The following SGIP1 variants were observed in gnomAD, a reference collection of about 807,000 sequenced individuals.
SGIP1 encodes SH3-containing GRB2-like protein 3-interacting protein 1.
A neutral mutation model predicts 107.5 loss-of-function variants in SGIP1; 38 were observed. That is an observed-to-expected ratio of 0.35 (90% CI 0.27 to 0.46). SGIP1 has a LOEUF of 0.46. Ranked by LOEUF, SGIP1 falls within the 20% of genes least tolerant of loss-of-function variation. The pLI is 1.00. For synonymous variants in SGIP1, 365 were observed against 366.1 expected (o/e 1.00, Z 0.03); for missense variants, 929 against 1,019.5 (o/e 0.91, Z 1.21).
intron 19 of SGIP1, among the ~76,000 whole-genome samples, chr1:66,728,866 C>T (rs1467974869): frequency 6.6e-6 from 1 of 152,096 alleles, no homozygotes; most frequent in Non-Finnish European, 1.5e-5. Context: ...GAAAAACAAA[C>T]ACCACATGTT....
At chr1:66,721,570 G>A (rs1314063409) in intron 19 of SGIP1, among the ~76,000 whole-genome samples, 2 of 151,944 alleles carry the variant, frequency 1.3e-5, no homozygotes, top group South Asian at 2.1e-4. Context: ...CACCACACCC[G>A]GCTAATTTTT....
Position 66,741,262 on chromosome 1 carries a change from T to G in SGIP1, c.2300-10T>G. 1 of 1,566,690 alleles carries G rather than the reference T, an allele frequency of 6.4e-7. No individual in the cohort carries two copies. Among genetic ancestry groups the G allele is most frequent in the Non-Finnish European group, 8.6e-7 (1 of 1,159,426 alleles). ...TGACTGTTACCTTGTAATAATGTGT[T>G]TTTTTTTAGGGGTGGGTTCTTTGTT... On this transcript the variant is annotated splice_polypyrimidine_tract_variant and intron_variant, in intron 23 of 24. Coordinates refer to ENST00000371037, the MANE Select transcript of SGIP1 (RefSeq NM_032291.4).
intron 1 of SGIP1, among the ~76,000 whole-genome samples, chr1:66,580,750 A>G (rs1435201407): frequency 1.3e-5 from 2 of 152,166 alleles, no homozygotes; most frequent in East Asian, 1.9e-4. Flanking sequence ...GTAGGTACTC[A>G]ATAAATGTTT....
chr1:66,725,821 A>G (rs187424911), intron 19 of SGIP1, among the ~76,000 whole-genome samples: 1 of 152,272 alleles, frequency 6.6e-6, no homozygotes, highest in East Asian at 1.9e-4. Flanking sequence ...AAGGTGTTTC[A>G]CTGAGGCACT....
Position 66,726,378 on chromosome 1 carries a change from C to T in SGIP1, c.1743-2886C>T, listed in dbSNP as rs74085066. On this transcript the variant is annotated intron_variant, in intron 19 of 24. Coordinates refer to ENST00000371037, the MANE Select transcript of SGIP1 (RefSeq NM_032291.4). ...GATTGATTTTATATAGACATTGACACGGTGATTATAAACCTCATGTGGAAA... is the reference window on the plus strand; with the variant it reads ...GATTGATTTTATATAGACATTGACATGGTGATTATAAACCTCATGTGGAAA... 3.3e-3 allele frequency among the ~76,000 whole-genome samples: 504 copies of T among 152,128 alleles called. 2 individuals carry two copies. The highest frequency in any genetic ancestry group is 0.011 in the African/African-American group (447 of 41,494).
intron 1 of SGIP1, among the ~76,000 whole-genome samples, chr1:66,588,725 G>C (rs4655630): frequency 6.8e-6 from 1 of 148,116 alleles, no homozygotes. Flanking sequence ...AACTTTCACG[G>C]TGTCCTATTT....
At chr1:66,581,202 G>T (rs932444797) in intron 1 of SGIP1, among the ~76,000 whole-genome samples, 1 of 151,994 alleles carries the variant, frequency 6.6e-6, no homozygotes, top group African/African-American at 2.4e-5. Flanking sequence ...TTGCCAATTG[G>T]TTCATTTAAG....
rs549636836 is a variant in SGIP1 at position 66,727,731 on chromosome 1, A to T, written c.1743-1533A>T. ...ACTATTAGTGCACACAACTACATGA[A>T]CAAGTCTCAAAATAATTATGTGCAG... On this transcript the variant is annotated intron_variant, in intron 19 of 24. Transcript: ENST00000371037. 1.1e-4 allele frequency among the ~76,000 whole-genome samples: 16 copies of T among 152,344 alleles called. 1 individual carries two copies. Among genetic ancestry groups the T allele is most frequent in the African/African-American group, 3.8e-4 (16 of 41,582 alleles).
At chr1:66,597,804 G>A (rs1056990437) in intron 1 of SGIP1, among the ~76,000 whole-genome samples, 3 of 152,046 alleles carry the variant, frequency 2.0e-5, no homozygotes, top group East Asian at 1.9e-4. Flanking sequence ...ACGCATTAAC[G>A]TTTTGTTTCC....
At chr1:66,625,974 GT>G in intron 2 of SGIP1, 64 bp downstream of exon 2, 2 of 1,300,854 alleles carry the variant, frequency 1.5e-6, no homozygotes, top group Non-Finnish European at 2.2e-6. Context: ...TCTTATCACA[GT>G]CAATATAAGA....
chr1:66,562,576 T>C (rs1571364302), intron 1 of SGIP1, among the ~76,000 whole-genome samples: 1 of 152,096 alleles, frequency 6.6e-6, no homozygotes, highest in Non-Finnish European at 1.5e-5. Context: ...CAAAGTATTT[T>C]ACCACCAGCG....
Position 66,744,882 on chromosome 1 carries a change from A to C in SGIP1, c.*1787A>C, listed in dbSNP as rs1557843868. 6.6e-6 allele frequency: 1 copy of C among 152,482 alleles called. No homozygotes were observed. The highest frequency in any genetic ancestry group is 1.5e-5 in the Non-Finnish European group (1 of 67,920). The allele number at this position is 152,482 out of a possible 1,614,324, so 9.4% of individuals were successfully genotyped here. The stretch of plus-strand genomic sequence containing the variant: ...ATACTCATTTTATGTAAAGGTATCC[A>C]ATTTGATTTTGAAACCAAAATAGAA... On this transcript the variant is annotated 3_prime_UTR_variant, in exon 25 of 25. Coordinates refer to ENST00000371037, the MANE Select transcript of SGIP1 (RefSeq NM_032291.4).
intron 1 of SGIP1, among the ~76,000 whole-genome samples, chr1:66,559,406 A>G (rs1571317118): frequency 6.6e-6 from 1 of 152,070 alleles, no homozygotes; most frequent in Admixed American, 6.6e-5. Flanking sequence ...ACAAATACCT[A>G]CACACACCTA....
intron 1 of SGIP1, among the ~76,000 whole-genome samples, chr1:66,603,672 T>C (rs1291369823): frequency 2.0e-5 from 3 of 152,144 alleles, no homozygotes; most frequent in Admixed American, 6.5e-5. Context: ...CTAATTTTTT[T>C]AAGCAAAATG....
At chr1:66,657,090 C>T (rs1298822131) in intron 7 of SGIP1, among the ~76,000 whole-genome samples, 1 of 151,880 alleles carries the variant, frequency 6.6e-6, no homozygotes, top group African/African-American at 2.4e-5. Context: ...ATGGGAGGAT[C>T]ACTTGAGCCC....
Position 66,747,370 on chromosome 1 carries a change from C to A in SGIP1, c.*4275C>A, listed in dbSNP as rs1202351775. 1 of 151,940 alleles carries A rather than the reference C, an allele frequency of 6.6e-6. No individual in the cohort carries two copies. Among genetic ancestry groups the A allele is most frequent in the Non-Finnish European group, 1.5e-5 (1 of 67,890 alleles). The allele number at this position is 151,940 out of a possible 1,614,324, so 9.4% of individuals were successfully genotyped here. A position where few individuals can be genotyped will look rare whatever the true frequency, so the allele number is the denominator to read the frequency against. On this transcript the variant is annotated 3_prime_UTR_variant, in exon 25 of 25. Transcript: ENST00000371037. The stretch of plus-strand genomic sequence containing the variant: ...ATTTTTCATTCAGTCCACTTAATTT[C>A]CTCCAATCTTAAAAAATTTTTTTCC...
chr1:66,606,176 G>A (rs2149088069), intron 1 of SGIP1, among the ~76,000 whole-genome samples: 1 of 152,248 alleles, frequency 6.6e-6, no homozygotes, highest in Non-Finnish European at 1.5e-5. Flanking sequence ...ATTCACCACG[G>A]GGTCTTACAT....
intron 1 of SGIP1, among the ~76,000 whole-genome samples, chr1:66,622,531 G>A (rs1051545538): frequency 2.0e-5 from 3 of 152,108 alleles, no homozygotes; most frequent in African/African-American, 4.8e-5. Context: ...TTTGAAATAA[G>A]TTTTCAACCT....
intron 4 of SGIP1, 98 bp from the exon 5 acceptor site, chr1:66,639,679 A>T: frequency 1.0e-6 from 1 of 977,200 alleles, no homozygotes; most frequent in Non-Finnish European, 1.6e-6. Context: ...CTGGATTTTG[A>T]TAGCTTTTGC....
Sources: allele counts gnomAD v4.1 joint callset (sites outside exome capture counted in the v4.1 genomes callset), GRCh38; gene constraint gnomAD v4.1.1; transcripts MANE v1.5; gene names NCBI Gene and HGNC (gene_info 2026-07-23, HGNC 2026-07-21).